The following CLCN6 variants were observed in gnomAD, a reference collection of about 807,000 sequenced individuals.
The protein encoded by CLCN6 is H(+)/Cl(-) exchange transporter 6.
In CLCN6, 70 loss-of-function variants were observed where a neutral mutation model predicts 109.8. The ratio of observed to expected loss-of-function variants is 0.64; its 90% CI spans 0.53 to 0.78. The LOEUF is 0.78. CLCN6 is among the 30% of genes least tolerant of loss of function. CLCN6 has a pLI of 0.00. For missense variants in CLCN6, 984 were observed against 1,142.3 expected (o/e 0.86, Z 2.00); for synonymous variants, 444 against 447.8 (o/e 0.99, Z 0.11).
At chr1:11,838,791 C>G (rs765752630) in intron 22 of CLCN6, 131 bp downstream of exon 22, 2 of 1,351,560 alleles carry the variant, frequency 1.5e-6, no homozygotes, top group South Asian at 2.3e-5. Flanking sequence ...CCAACACTAG[C>G]TTTGAACCCT....
Position 11,835,962 on chromosome 1 carries a change from C to T in CLCN6, c.1794-5C>T. ...GAGGCTGGATGACTTGCCCTCCTCC[C>T]CCAGGCTGAGAGCCAGCGACATCAT... On this transcript the variant is annotated splice_region_variant and splice_polypyrimidine_tract_variant and intron_variant, in intron 17 of 22. Transcript: ENST00000346436. 1 of 1,611,858 alleles carries T rather than the reference C, an allele frequency of 6.2e-7. No individual in the cohort carries two copies. Among genetic ancestry groups the T allele is most frequent in the South Asian group, 1.1e-5 (1 of 90,822 alleles).
intron 4 of CLCN6, among the ~76,000 whole-genome samples, chr1:11,819,169 A>G (rs374176191): frequency 5.3e-5 from 8 of 152,326 alleles, no homozygotes; most frequent in Non-Finnish European, 8.8e-5. Context: ...AGGGAAGCCA[A>G]AAGAGTAGAC....
At chr1:11,810,886 T>G (rs1296601740) in intron 2 of CLCN6, among the ~76,000 whole-genome samples, 1 of 151,990 alleles carries the variant, frequency 6.6e-6, no homozygotes, top group Non-Finnish European at 1.5e-5. Flanking sequence ...GGCAATAAAG[T>G]GAGACTTTGT....
At position 11,840,399 on chromosome 1, in the gene CLCN6, CCATCAG is replaced by C; in HGVS notation, c.*177_*182del. 1 of 639,102 alleles carries C rather than the reference CCATCAG, an allele frequency of 1.6e-6. No homozygotes were observed. Among genetic ancestry groups the C allele is most frequent in the Non-Finnish European group, 2.8e-6 (1 of 356,136 alleles). The allele number at this position is 639,102 out of a possible 1,614,324, so 39.6% of individuals were successfully genotyped here. On this transcript the variant is annotated 3_prime_UTR_variant, in exon 23 of 23. Coordinates refer to ENST00000346436, the MANE Select transcript of CLCN6 (RefSeq NM_001286.5). Reference sequence around the variant, plus strand: ...CAGAGGTCCTGGGGGTGGTTTTGAACCATCAGAGCTTGGACTTTTCTGACTTCCCCA... The same window carrying C: ...CAGAGGTCCTGGGGGTGGTTTTGAACAGCTTGGACTTTTCTGACTTCCCCA...
intron 19 of CLCN6, 88 bp from the exon 20 acceptor site, chr1:11,837,255 A>G: frequency 1.3e-6 from 2 of 1,585,834 alleles, no homozygotes; most frequent in South Asian, 2.3e-5. Flanking sequence ...GTTTCCTGGG[A>G]AAGTTGGATG....
intron 4 of CLCN6, among the ~76,000 whole-genome samples, chr1:11,817,217 C>T (rs980424749): frequency 3.9e-5 from 6 of 152,106 alleles, no homozygotes; most frequent in South Asian, 2.1e-4. Flanking sequence ...CTCAGCCTCC[C>T]GAGTGGTTAG....
intron 8 of CLCN6, among the ~76,000 whole-genome samples, 146 bp from the exon 9 acceptor site, chr1:11,826,003 AGGGGCCT>A (rs1644806197): frequency 6.6e-6 from 1 of 151,742 alleles, no homozygotes; most frequent in African/African-American, 2.4e-5. Flanking sequence ...GCTCAAGCAG[AGGGGCCT>A]CCCCTGATGC....
At chr1:11,807,970 A>G (rs1644543215) in intron 2 of CLCN6, among the ~76,000 whole-genome samples, 1 of 151,774 alleles carries the variant, frequency 6.6e-6, no homozygotes, top group African/African-American at 2.4e-5. Flanking sequence ...TTTTTTTGAC[A>G]GAGTCTCACT....
rs988231674 is a variant in CLCN6 at position 11,835,903 on chromosome 1, C to G, written c.1794-64C>G. 17 of 1,490,852 alleles carry G rather than the reference C, an allele frequency of 1.1e-5. No individual in the cohort carries two copies. In the Admixed American group the frequency reaches 3.2e-4, roughly 28 times the overall value. 92.4% of individuals were successfully genotyped at this position (1,490,852 alleles called of 1,614,324 possible). On this transcript the variant is annotated intron_variant, in intron 17 of 22. Transcript: ENST00000346436. The stretch of plus-strand genomic sequence containing the variant: ...TCTGAGCAGGGCTGGAGAGCCAGCA[C>G]AGCTTGCTCCCAGGGGCCTGCGGGC...
chr1:11,814,987 T>C (rs55857303), intron 2 of CLCN6, among the ~76,000 whole-genome samples: 16 of 149,816 alleles, frequency 1.1e-4, no homozygotes, highest in African/African-American at 3.7e-4. Context: ...GAGCTGAGAT[T>C]GCGCCACTGC....
chr1:11,816,706 G>A lies in CLCN6; in HGVS notation c.279+26G>A, dbSNP rs200181724. 149 of 1,600,690 alleles carry A rather than the reference G, an allele frequency of 9.3e-5. 1 individual carries two copies. Among genetic ancestry groups the A allele is most frequent in the Non-Finnish European group, 1.2e-4 (143 of 1,170,990 alleles). ...GTGAGGAGGCAGGGCCTGGAGGGATGGTGGGCCATAGGGCTGGAGGGGCTT... is the reference window on the plus strand; with the variant it reads ...GTGAGGAGGCAGGGCCTGGAGGGATAGTGGGCCATAGGGCTGGAGGGGCTT... On this transcript the variant is annotated intron_variant, in intron 4 of 22. Coordinates refer to ENST00000346436, the MANE Select transcript of CLCN6 (RefSeq NM_001286.5).
In CLCN6 at chr1:11,828,646, C is replaced by A. The variant is rs962493461; in HGVS notation, c.1121+22C>A. 4.4e-6 allele frequency: 7 copies of A among 1,574,900 alleles called. No homozygotes were observed. In the African/African-American group the frequency reaches 6.8e-5, roughly 15 times the overall value. ...TCAGGTATCTGCACAGTCGCCTCCCCCCCGAGCCTGCTGCGGCTCCCTGAG... is the reference window on the plus strand; with the variant it reads ...TCAGGTATCTGCACAGTCGCCTCCCACCCGAGCCTGCTGCGGCTCCCTGAG... On this transcript the variant is annotated intron_variant, in intron 12 of 22. Coordinates refer to ENST00000346436, the MANE Select transcript of CLCN6 (RefSeq NM_001286.5).
chr1:11,832,558 G>C (rs2236796), intron 13 of CLCN6, among the ~76,000 whole-genome samples: 26,997 of 152,226 alleles, frequency 0.18, 2,596 homozygotes, highest in African/African-American at 0.25. Flanking sequence ...CGTGCTGTTT[G>C]CACAGCAGCC....
chr1:11,816,875 A>T (rs1224639891), intron 4 of CLCN6, among the ~76,000 whole-genome samples, 195 bp downstream of exon 4: 1 of 151,170 alleles, frequency 6.6e-6, no homozygotes, highest in African/African-American at 2.4e-5. Flanking sequence ...TAATCCTGGC[A>T]CAGTTTTTCA....
At chr1:11,823,131 G>A (rs1453142413) in intron 6 of CLCN6, among the ~76,000 whole-genome samples, 1 of 152,128 alleles carries the variant, frequency 6.6e-6, no homozygotes, top group African/African-American at 2.4e-5. Context: ...ATATACCCTC[G>A]TAACATACCT....
In CLCN6 at chr1:11,841,832, A is replaced by ATT. The variant is rs1645027848; in HGVS notation, c.*1612_*1613dup. The ATT allele has an allele frequency of 6.6e-6, 1 of 151,996 alleles. No individual in the cohort carries two copies. Among genetic ancestry groups the ATT allele is most frequent in the Non-Finnish European group, 1.5e-5 (1 of 67,996 alleles). 9.4% of individuals were successfully genotyped at this position (151,996 alleles called of 1,614,324 possible). ...TTTTCTAGCTGATTGTGGCCCCTCC[A>ATT]TTTTCCCCATTTTCTTATCTCCCTG... On this transcript the variant is annotated 3_prime_UTR_variant, in exon 23 of 23. Coordinates refer to ENST00000346436, the MANE Select transcript of CLCN6 (RefSeq NM_001286.5).
intron 2 of CLCN6, among the ~76,000 whole-genome samples, chr1:11,810,416 A>G (rs1223520907): frequency 3.9e-5 from 6 of 152,130 alleles, no homozygotes; most frequent in Non-Finnish European, 8.8e-5. Context: ...TAAGACTTAG[A>G]ATTAAAGGCC....
intron 13 of CLCN6, among the ~76,000 whole-genome samples, chr1:11,832,269 G>A (rs1220406110): frequency 6.6e-6 from 1 of 152,244 alleles, no homozygotes; most frequent in African/African-American, 2.4e-5. Flanking sequence ...AACGTCACTA[G>A]AGAGTGGCAG....
chr1:11,840,475 G>T lies in CLCN6; in HGVS notation c.*252G>T. Reference sequence around the variant, plus strand: ...CTGCTCCCTGTGTTCCCACCCTCCAGTGTTGGCACAGGCCCACCCCTGGCT... The same window carrying T: ...CTGCTCCCTGTGTTCCCACCCTCCATTGTTGGCACAGGCCCACCCCTGGCT... On this transcript the variant is annotated 3_prime_UTR_variant, in exon 23 of 23. Coordinates refer to ENST00000346436, the MANE Select transcript of CLCN6 (RefSeq NM_001286.5). 3.6e-6 allele frequency: 2 copies of T among 563,046 alleles called. No homozygotes were observed. The highest frequency in any genetic ancestry group is 4.0e-5 in the South Asian group (2 of 50,492). 34.9% of individuals were successfully genotyped at this position (563,046 alleles called of 1,614,324 possible). A position where few individuals can be genotyped will look rare whatever the true frequency, so the allele number is the denominator to read the frequency against.
Sources: gnomAD v4.1 joint callset for allele counts (sites outside exome capture counted in the v4.1 genomes callset) on GRCh38, gnomAD v4.1.1 for gene constraint, MANE v1.5 for transcripts, NCBI Gene and HGNC (gene_info 2026-07-23, HGNC 2026-07-21) for gene names.